Variants in ADAM22 observed in about 807,000 individuals in gnomAD.
ADAM22 encodes disintegrin and metalloproteinase domain-containing protein 22.
ADAM22 carries 65 observed loss-of-function variants against 144.6 expected under a neutral mutation model. That is an observed-to-expected ratio of 0.45 (90% confidence interval 0.37 to 0.55). The LOEUF (loss-of-function observed/expected upper bound fraction) is 0.55. ADAM22 is among the 20% of genes least tolerant of loss of function. The pLI is 0.00. For synonymous variants in ADAM22, 391 were observed against 412.6 expected, an observed-to-expected ratio of 0.95 and a Z score of 0.63; for missense variants, 974 against 1,184.9, an observed-to-expected ratio of 0.82 and a Z score of 2.61.
intron 3 of ADAM22, among the ~76,000 whole-genome samples, chr7:88,022,423 A>G (rs971159199): frequency 3.9e-5 from 6 of 152,170 alleles, no homozygotes; most frequent in African/African-American, 7.2e-5. Flanking sequence ...AAACAGTGAG[A>G]TTTTGGTCAA....
chr7:87,990,670 C>T (rs1562932959), intron 3 of ADAM22, among the ~76,000 whole-genome samples: 1 of 148,666 alleles, frequency 6.7e-6, no homozygotes, highest in Non-Finnish European at 1.5e-5. Context: ...CCCTTTTCTT[C>T]TTTTTTTTTT....
intron 2 of ADAM22, among the ~76,000 whole-genome samples, chr7:87,968,044 A>G (rs532148789): frequency 3.3e-5 from 5 of 152,198 alleles, no homozygotes; most frequent in Non-Finnish European, 5.9e-5. Flanking sequence ...TCATAAGAAC[A>G]TACATTTTAC....
At chr7:88,068,906 G>A (rs768935743) in intron 3 of ADAM22, among the ~76,000 whole-genome samples, 5 of 152,090 alleles carry the variant, frequency 3.3e-5, no homozygotes, top group African/African-American at 7.2e-5. Flanking sequence ...CAGATGTTAC[G>A]CAGAGCTGTA....
At chr7:87,966,407 C>T (rs1849050651) in intron 2 of ADAM22, among the ~76,000 whole-genome samples, 1 of 152,096 alleles carries the variant, frequency 6.6e-6, no homozygotes, top group Non-Finnish European at 1.5e-5. Flanking sequence ...CTTGTTCAGG[C>T]CTTAAATTGA....
intron 3 of ADAM22, among the ~76,000 whole-genome samples, chr7:88,014,192 A>G (rs566183259): frequency 6.6e-6 from 1 of 152,160 alleles, no homozygotes; most frequent in Non-Finnish European, 1.5e-5. Flanking sequence ...AATAACATGT[A>G]GCTGTATACT....
At chr7:88,004,941 A>G (rs1793429686) in intron 3 of ADAM22, among the ~76,000 whole-genome samples, 1 of 152,164 alleles carries the variant, frequency 6.6e-6, no homozygotes, top group Non-Finnish European at 1.5e-5. Flanking sequence ...TTGTCAGTGT[A>G]GTTTGACTTT....
rs200969340 is a variant in ADAM22, at chr7:88,193,226, G to A, written c.2861G>A (p.Arg954Gln). 3.0e-4 allele frequency: 486 copies of A among 1,613,810 alleles called. 1 individual carries two copies. Among genetic ancestry groups the A allele is most frequent in the South Asian group, 4.7e-4 (43 of 91,036 alleles). Residue 954 changes from arginine to glutamine, a missense_variant, in exon 31 of 32, where the codon CGA (arginine) becomes CAA (glutamine). This residue lies in a region of ADAM22 where 734 missense variants were observed against 950.6 expected (regional missense o/e 0.77). Coordinates refer to ENST00000413139, the MANE Select transcript of ADAM22 (RefSeq NM_001324418.2). ...CCTGATGAGGACAAGAAAGTGAACC[G>A]ACAAAGTGCCAGGGTATGTGGAAAC... The part of the protein sequence containing the change: ...PLPDEDKKVN[R>Q]QSARLWETSI
intron 3 of ADAM22, among the ~76,000 whole-genome samples, chr7:88,005,850 AAAG>A (rs1207757757): frequency 5.3e-5 from 8 of 152,210 alleles, no homozygotes; most frequent in African/African-American, 1.9e-4. Flanking sequence ...ACTAATGAAA[AAAG>A]AAGTAATAAC....
intron 3 of ADAM22, among the ~76,000 whole-genome samples, chr7:88,035,840 A>C (rs745782632): frequency 1.3e-5 from 2 of 152,228 alleles, no homozygotes; most frequent in African/African-American, 2.4e-5. Context: ...TAGTCGTGTC[A>C]GAAAATACTG....
intron 4 of ADAM22, among the ~76,000 whole-genome samples, chr7:88,093,179 A>C (rs1464964291): frequency 6.6e-6 from 1 of 152,146 alleles, no homozygotes; most frequent in Non-Finnish European, 1.5e-5. Context: ...GTCTTTTCCA[A>C]ATCTACTCTT....
intron 4 of ADAM22, among the ~76,000 whole-genome samples, chr7:88,107,796 T>C (rs1023546490): frequency 7.9e-5 from 12 of 151,972 alleles, no homozygotes; most frequent in African/African-American, 2.7e-4. Context: ...CTTGCTATGT[T>C]GCTTAGGCTG....
At chr7:88,150,604 T>C (rs757188321) in intron 18 of ADAM22, among the ~76,000 whole-genome samples, 7 of 152,184 alleles carry the variant, frequency 4.6e-5, no homozygotes, top group Non-Finnish European at 7.3e-5. Context: ...TCTTTCTTGC[T>C]CTGAAAAATA....
chr7:88,101,003 A>G (rs1283050613), intron 4 of ADAM22, among the ~76,000 whole-genome samples: 1 of 150,422 alleles, frequency 6.6e-6, no homozygotes. Context: ...CTTGGGGGGA[A>G]TCTAGGATGC....
At chr7:87,944,360 G>A (rs1310983320) in intron 2 of ADAM22, among the ~76,000 whole-genome samples, 1 of 152,074 alleles carries the variant, frequency 6.6e-6, no homozygotes, top group Non-Finnish European at 1.5e-5. Flanking sequence ...GGATTAAACA[G>A]CATGATGCTA....
At chr7:87,989,741 C>T (rs528834257) in intron 3 of ADAM22, among the ~76,000 whole-genome samples, 15 of 152,164 alleles carry the variant, frequency 9.9e-5, no homozygotes, top group African/African-American at 3.6e-4. Context: ...CATGGTGAAA[C>T]CTCGTCTCTG....
chr7:88,186,965 C>G (rs1848465016), intron 30 of ADAM22, among the ~76,000 whole-genome samples: 1 of 152,180 alleles, frequency 6.6e-6, no homozygotes, highest in African/African-American at 2.4e-5. Flanking sequence ...TAGTAGCTTT[C>G]TCTTCATTTT....
chr7:88,108,063 A>G (rs1487030443), intron 4 of ADAM22, 113 bp from the exon 5 acceptor site: 1 of 718,978 alleles, frequency 1.4e-6, no homozygotes, highest in Non-Finnish European at 2.3e-6. Flanking sequence ...ATAATGAAAT[A>G]TCATGCAGAG....
At chr7:88,130,667 G>T (rs1222454489) in intron 10 of ADAM22, among the ~76,000 whole-genome samples, 1 of 152,116 alleles carries the variant, frequency 6.6e-6, no homozygotes, top group Non-Finnish European at 1.5e-5. Context: ...CCATAGATAT[G>T]CTTGAAATTC....
intron 8 of ADAM22, 30 bp downstream of exon 8, chr7:88,125,689 T>C: frequency 6.6e-7 from 1 of 1,516,684 alleles, no homozygotes. Context: ...TGTCGTGTTA[T>C]TTTAAAACAA....
Sources: allele counts gnomAD v4.1 joint callset (sites outside exome capture counted in the v4.1 genomes callset), GRCh38; gene constraint gnomAD v4.1.1; regional missense constraint gnomAD v4.1.1; transcripts MANE v1.5; gene names NCBI Gene and HGNC (gene_info 2026-07-23, HGNC 2026-07-21).